The following ADGRL3 variants were observed in gnomAD, a reference collection of about 807,000 sequenced individuals.
ADGRL3 encodes adhesion G protein-coupled receptor L3, also known as calcium-independent alpha-latrotoxin receptor 3.
ADGRL3 carries 62 observed loss-of-function variants against 153.5 expected under a neutral mutation model. The ratio of observed to expected loss-of-function variants is 0.40; its 90% CI spans 0.33 to 0.50. The LOEUF (loss-of-function observed/expected upper bound fraction) is 0.50, where lower values mean the gene tolerates loss of function less well. Among genes scored for constraint, ADGRL3 ranks in the 20% least tolerant of loss-of-function variants. The pLI, the probability that ADGRL3 is intolerant of heterozygous loss-of-function variation, is 0.47. For synonymous variants in ADGRL3, 710 were observed against 672.5 expected (o/e 1.06, Z -0.86); for missense variants, 1,641 against 1,859.4 (o/e 0.88, Z 2.16).
At chr4:61,447,007 C>T (rs1209923415) in intron 2 of ADGRL3, among the ~76,000 whole-genome samples, 2 of 152,096 alleles carry the variant, frequency 1.3e-5, no homozygotes, top group Admixed American at 6.5e-5. Context: ...TAGGAATCAG[C>T]TATAATTTGC....
chr4:61,791,351 G>A (rs1224680640), intron 8 of ADGRL3, among the ~76,000 whole-genome samples: 3 of 152,216 alleles, frequency 2.0e-5, no homozygotes, highest in Non-Finnish European at 4.4e-5. Flanking sequence ...CCAAAATCCA[G>A]GGAGGGCAGT....
Position 61,375,261 on chromosome 4 carries a change from AATTT to A in ADGRL3, c.-239-7856_-239-7853del, listed in dbSNP as rs1205853147. Among the ~76,000 whole-genome samples the A allele has an allele frequency of 3.9e-5, 6 of 152,132 alleles. No homozygotes were observed. The East Asian group carries it at 1.2e-3, about 29-fold the overall frequency. ...TTTAATAGTTCAAGATTAAACTCTA[AATTT>A]ATTTATCTAAATTTACCATGAAGAG... is the stretch of plus-strand genomic sequence containing the variant. On this transcript the variant is annotated intron_variant, in intron 1 of 26. Transcript: ENST00000683033.
chr4:61,285,873 A>G (rs925651904), intron 1 of ADGRL3, among the ~76,000 whole-genome samples: 1 of 151,808 alleles, frequency 6.6e-6, no homozygotes, highest in South Asian at 2.1e-4. Context: ...ATAGGTTTCT[A>G]CTTTACTTTT....
chr4:61,736,032 CAT>C (rs2096505817), intron 8 of ADGRL3, among the ~76,000 whole-genome samples: 4 of 151,984 alleles, frequency 2.6e-5, no homozygotes, highest in Admixed American at 2.0e-4. Flanking sequence ...TACTCATACA[CAT>C]ATATGACTAT....
At position 61,200,359 on chromosome 4, in the gene ADGRL3, A is replaced by ACCCCGCGCGCAGGCTGCACGGT. The variant is rs1341755805; in HGVS notation, c.-1635_-1614dup. ...CTCCGCTCCGGCCCCGGCTGCGCCT[A>ACCCCGCGCGCAGGCTGCACGGT]CCCCGCGCGCAGGCTGCACGGTCCC... is the stretch of plus-strand genomic sequence containing the variant. On this transcript the variant is annotated 5_prime_UTR_variant, in exon 1 of 27. Transcript: ENST00000683033. Among the ~76,000 whole-genome samples, 6 of 150,096 alleles carry ACCCCGCGCGCAGGCTGCACGGT rather than the reference A, an allele frequency of 4.0e-5. No individual in the cohort carries two copies. The highest frequency in any genetic ancestry group is 2.1e-4 in the South Asian group (1 of 4,710).
At chr4:61,550,706 T>C (rs1286897983) in intron 4 of ADGRL3, among the ~76,000 whole-genome samples, 2 of 152,124 alleles carry the variant, frequency 1.3e-5, no homozygotes, top group Non-Finnish European at 2.9e-5. Flanking sequence ...AGATCAATGA[T>C]ACTGGTAGTA....
chr4:61,648,142 G>C (rs1230339388), intron 5 of ADGRL3, among the ~76,000 whole-genome samples: 1 of 151,904 alleles, frequency 6.6e-6, no homozygotes. Context: ...CTAATCAGCT[G>C]TACCAAAGCT....
intron 2 of ADGRL3, among the ~76,000 whole-genome samples, chr4:61,392,684 C>CAAAAAAAA (rs397993633): frequency 0.062 from 831 of 13,356 alleles, 310 homozygotes; most frequent in Middle Eastern, 1. Context: ...GACTCCATCT[C>CAAAAAAAA]AAAAAAAAAA....
chr4:61,456,471 C>CTATATCTATATATATAGATATAGA (rs2097755467), intron 2 of ADGRL3, among the ~76,000 whole-genome samples: 4 of 110,552 alleles, frequency 3.6e-5, no homozygotes, highest in Non-Finnish European at 1.8e-5. Flanking sequence ...ATAGATATAT[C>CTATATCTATATATATAGATATAGA]TATATCTATA....
At chr4:61,812,722 C>A (rs773681637) in intron 8 of ADGRL3, among the ~76,000 whole-genome samples, 16 of 152,058 alleles carry the variant, frequency 1.1e-4, no homozygotes, top group African/African-American at 2.9e-4. Context: ...TTAGATAATT[C>A]TTTTATATTT....
intron 4 of ADGRL3, among the ~76,000 whole-genome samples, chr4:61,523,089 G>A (rs1009827584): frequency 5.9e-5 from 9 of 151,776 alleles, no homozygotes; most frequent in Non-Finnish European, 1.3e-4. Flanking sequence ...GTGTATGTAC[G>A]TGTGCTTGTG....
intron 5 of ADGRL3, among the ~76,000 whole-genome samples, chr4:61,587,927 A>T (rs570091514): frequency 1.4e-4 from 21 of 152,164 alleles, no homozygotes; most frequent in African/African-American, 3.4e-4. Flanking sequence ...TAATTTTAAA[A>T]GTATTCTTTT....
chr4:61,430,168 G>A (rs1445431054), intron 2 of ADGRL3, among the ~76,000 whole-genome samples: 2 of 152,078 alleles, frequency 1.3e-5, no homozygotes, highest in African/African-American at 2.4e-5. Flanking sequence ...CATAACTGAA[G>A]CACTTTATAA....
rs145461855 is a variant in ADGRL3 at position 61,911,998 on chromosome 4, A to G, written c.2074-721A>G. ...AGGAGTTGCTGCTATCCTTTTGCCC[A>G]GAAAGACATCACTCTCTATGCAAAC... On this transcript the variant is annotated intron_variant, in intron 12 of 26. Transcript: ENST00000683033. 6.3e-3 allele frequency among the ~76,000 whole-genome samples: 954 copies of G among 152,322 alleles called. 9 individuals are homozygous for G. The highest frequency in any genetic ancestry group is 0.022 in the African/African-American group (906 of 41,592).
chr4:61,307,750 C>G (rs1050075662), intron 1 of ADGRL3, among the ~76,000 whole-genome samples: 2 of 152,016 alleles, frequency 1.3e-5, no homozygotes, highest in Non-Finnish European at 2.9e-5. Flanking sequence ...ATGTGAGGTG[C>G]ATTTAAGGTA....
intron 16 of ADGRL3, 103 bp downstream of exon 16, chr4:61,947,225 A>T: frequency 1.1e-6 from 1 of 920,930 alleles, no homozygotes; most frequent in East Asian, 2.6e-5. Context: ...TCTATTTGAC[A>T]TATAACAGTT....
At chr4:61,526,366 T>A (rs1337037489) in intron 4 of ADGRL3, among the ~76,000 whole-genome samples, 1 of 152,164 alleles carries the variant, frequency 6.6e-6, no homozygotes, top group Non-Finnish European at 1.5e-5. Flanking sequence ...GAAATATGAC[T>A]AAGTTTAGTG....
At chr4:61,208,420 C>G (rs992824925) in intron 1 of ADGRL3, among the ~76,000 whole-genome samples, 7 of 152,212 alleles carry the variant, frequency 4.6e-5, no homozygotes, top group South Asian at 2.1e-4. Context: ...ATAATAATAA[C>G]ATAATTGTTT....
chr4:61,601,221 G>A (rs1328210203), intron 5 of ADGRL3, among the ~76,000 whole-genome samples: 2 of 152,052 alleles, frequency 1.3e-5, no homozygotes, highest in African/African-American at 4.8e-5. Flanking sequence ...AAATCTTGTA[G>A]GCGAATTTCA....
Sources: gnomAD v4.1 joint callset for allele counts (sites outside exome capture counted in the v4.1 genomes callset) on GRCh38, gnomAD v4.1.1 for gene constraint, MANE v1.5 for transcripts, NCBI Gene and HGNC (gene_info 2026-07-23, HGNC 2026-07-21) for gene names.